ZNF385B: variants seen among roughly 807,000 people sequenced by gnomAD.
The protein encoded by ZNF385B is zinc finger protein 533.
ZNF385B carries 23 observed loss-of-function variants against 39.2 expected under a neutral mutation model. The observed-to-expected ratio is 0.59, with a 90% confidence interval of 0.42 to 0.83. ZNF385B has a LOEUF of 0.83. ZNF385B is among the 40% of genes least tolerant of loss of function. ZNF385B has a pLI of 0.00. For synonymous variants in ZNF385B, 205 were observed against 222.6 expected (o/e 0.92, Z 0.70); for missense variants, 552 against 598.9 (o/e 0.92, Z 0.82).
intron 3 of ZNF385B, among the ~76,000 whole-genome samples, chr2:179,761,761 CTTTTT>C (rs34325728): frequency 1.8e-5 from 2 of 110,286 alleles, no homozygotes. Flanking sequence ...TTTTTCTTTT[CTTTTT>C]TTTTTTTTTT....
At chr2:179,860,623 T>C (rs1032571579) in intron 1 of ZNF385B, among the ~76,000 whole-genome samples, 3 of 152,030 alleles carry the variant, frequency 2.0e-5, no homozygotes, top group Admixed American at 6.6e-5. Context: ...TGCAGAACTC[T>C]CCCACGACCC....
At chr2:179,797,589 A>AT (rs1300606959) in intron 1 of ZNF385B, among the ~76,000 whole-genome samples, 15 of 152,008 alleles carry the variant, frequency 9.9e-5, no homozygotes, top group African/African-American at 2.9e-4. Flanking sequence ...TCCTCTTCAC[A>AT]TTTTTTTCTT....
In ZNF385B at chr2:179,442,853, G is replaced by T; in HGVS notation, c.*397C>A. ...GAGTTATTTACAGACATCTGAGGAA[G>T]ATCCTAGTTTTCAAGTCTGTCAGGA... is the stretch of plus-strand genomic sequence containing the variant. On this transcript the variant is annotated 3_prime_UTR_variant, in exon 10 of 10. Transcript: ENST00000410066. The T allele has an allele frequency of 3.8e-6, 1 of 263,854 alleles. No homozygotes were observed. Among genetic ancestry groups the T allele is most frequent in the Non-Finnish European group, 7.4e-6 (1 of 135,614 alleles). The allele number at this position is 263,854 out of a possible 1,614,324, so 16.3% of individuals were successfully genotyped here. A position where few individuals can be genotyped will look rare whatever the true frequency, so the allele number is the denominator to read the frequency against.
At chr2:179,755,937 A>AGG (rs1264311082) in intron 3 of ZNF385B, among the ~76,000 whole-genome samples, 1 of 152,124 alleles carries the variant, frequency 6.6e-6, no homozygotes, top group Non-Finnish European at 1.5e-5. Context: ...TTTACATTTA[A>AGG]GGTTAATATT....
At chr2:179,742,603 GGA>G (rs1191694515) in intron 3 of ZNF385B, among the ~76,000 whole-genome samples, 1 of 151,788 alleles carries the variant, frequency 6.6e-6, no homozygotes, top group East Asian at 1.9e-4. Flanking sequence ...ATAGGAAGTA[GGA>G]AAAAAAGTAA....
At chr2:179,641,879 T>C (rs1302057766) in intron 3 of ZNF385B, among the ~76,000 whole-genome samples, 3 of 152,094 alleles carry the variant, frequency 2.0e-5, no homozygotes, top group Non-Finnish European at 4.4e-5. Flanking sequence ...TCGATGAAGG[T>C]GGGAAGAAGG....
intron 3 of ZNF385B, among the ~76,000 whole-genome samples, chr2:179,726,096 C>G (rs1701002941): frequency 6.6e-6 from 1 of 151,890 alleles, no homozygotes; most frequent in Non-Finnish European, 1.5e-5. Flanking sequence ...GGACAACTGT[C>G]ATTTCAAACT....
chr2:179,659,213 A>C (rs1457890585), intron 3 of ZNF385B, among the ~76,000 whole-genome samples: 3 of 152,234 alleles, frequency 2.0e-5, no homozygotes, highest in Non-Finnish European at 4.4e-5. Context: ...GATTTCAGAT[A>C]TCTGTTTAGC....
At chr2:179,629,526 C>A (rs1236712295) in intron 3 of ZNF385B, among the ~76,000 whole-genome samples, 4 of 152,150 alleles carry the variant, frequency 2.6e-5, no homozygotes, top group Non-Finnish European at 5.9e-5. Context: ...GGGGTACCCT[C>A]TTTTAGAAAA....
chr2:179,859,570 A>G (rs1196230106), intron 1 of ZNF385B, among the ~76,000 whole-genome samples: 1 of 152,086 alleles, frequency 6.6e-6, no homozygotes, highest in East Asian at 1.9e-4. Flanking sequence ...AATGCATCCA[A>G]GAGAGGTCAA....
intron 4 of ZNF385B, among the ~76,000 whole-genome samples, chr2:179,532,315 T>G (rs559823008): frequency 1.3e-5 from 2 of 152,268 alleles, no homozygotes; most frequent in African/African-American, 4.8e-5. Flanking sequence ...CTAACACATA[T>G]GTAAGAGGAA....
intron 3 of ZNF385B, among the ~76,000 whole-genome samples, chr2:179,643,690 G>T (rs1215700275): frequency 6.6e-6 from 1 of 152,166 alleles, no homozygotes; most frequent in Non-Finnish European, 1.5e-5. Context: ...GAAGAGCATA[G>T]TTGTTGCCAA....
intron 3 of ZNF385B, among the ~76,000 whole-genome samples, chr2:179,596,743 CT>C (rs989366828): frequency 1.3e-5 from 2 of 152,174 alleles, no homozygotes; most frequent in Non-Finnish European, 2.9e-5. Flanking sequence ...CTTTTACCAT[CT>C]TTTGTCATCT....
At chr2:179,649,525 G>A (rs889352393) in intron 3 of ZNF385B, among the ~76,000 whole-genome samples, 2 of 151,970 alleles carry the variant, frequency 1.3e-5, no homozygotes, top group South Asian at 2.1e-4. Context: ...TTTTGAGATC[G>A]TTTCAAAATT....
At chr2:179,518,471 T>C in intron 5 of ZNF385B, 57 bp downstream of exon 5, 1 of 1,215,500 alleles carries the variant, frequency 8.2e-7, no homozygotes, top group Non-Finnish European at 1.2e-6. Context: ...CGTATTTAGA[T>C]CAATCAGACT....
chr2:179,614,267 T>A (rs541600677), intron 3 of ZNF385B, among the ~76,000 whole-genome samples: 1 of 152,078 alleles, frequency 6.6e-6, no homozygotes, highest in Non-Finnish European at 1.5e-5. Flanking sequence ...GGAGAGCAAC[T>A]GACGAGGGCT....
chr2:179,459,666 T>A (rs1037038363), intron 6 of ZNF385B, among the ~76,000 whole-genome samples: 1 of 151,560 alleles, frequency 6.6e-6, no homozygotes, highest in Admixed American at 6.6e-5. Context: ...AATTTAAATG[T>A]AAATCTTAAT....
chr2:179,839,203 C>A (rs768002213), intron 1 of ZNF385B, among the ~76,000 whole-genome samples: 2 of 152,166 alleles, frequency 1.3e-5, no homozygotes, highest in Non-Finnish European at 2.9e-5. Context: ...AAACCAGCTA[C>A]AAAAGCTGTA....
intron 3 of ZNF385B, among the ~76,000 whole-genome samples, chr2:179,586,417 G>A (rs891662740): frequency 6.6e-6 from 1 of 152,158 alleles, no homozygotes. Flanking sequence ...CAGCCCTGTA[G>A]TATCTGTTTA....
Sources: gnomAD v4.1 joint callset for allele counts (sites outside exome capture counted in the v4.1 genomes callset) on GRCh38, gnomAD v4.1.1 for gene constraint, MANE v1.5 for transcripts, NCBI Gene and HGNC (gene_info 2026-07-23, HGNC 2026-07-21) for gene names.